Variants in SUCO observed in about 807,000 individuals in gnomAD.
The protein encoded by SUCO is SUN domain-containing ossification factor.
Under a neutral mutation model 148.1 loss-of-function variants are expected in SUCO, and 57 were observed. The observed-to-expected ratio is 0.38, with a 90% CI of 0.31 to 0.48. The LOEUF (loss-of-function observed/expected upper bound fraction) is 0.48, where lower values mean the gene tolerates loss of function less well. Among genes scored for constraint, SUCO ranks in the 20% least tolerant of loss-of-function variants. SUCO has a pLI of 0.96. For missense variants in SUCO, 1,331 were observed against 1,468.2 expected, an observed-to-expected ratio of 0.91 and a Z score of 1.53; for synonymous variants, 470 against 502.7, an observed-to-expected ratio of 0.93 and a Z score of 0.87.
intron 1 of SUCO, among the ~76,000 whole-genome samples, chr1:172,542,381 T>C (rs1652534345): frequency 6.6e-6 from 1 of 151,490 alleles, no homozygotes; most frequent in Non-Finnish European, 1.5e-5. Context: ...AAACTCCGTC[T>C]CAAAAAAAAA....
In SUCO at chr1:172,597,083, G is replaced by A. The variant is rs757615733; in HGVS notation, c.2914-2981G>A. ...AGGCTCCGTGGGCATGGGACCCTCC[G>A]AGCCATGCACGGGATATAATCTCCT... On this transcript the variant is annotated intron_variant, in intron 19 of 23. Coordinates refer to ENST00000263688, the MANE Select transcript of SUCO (RefSeq NM_014283.5). Among the ~76,000 whole-genome samples the A allele has an allele frequency of 1.6e-3, 240 of 152,338 alleles. 2 individuals carry two copies. Among genetic ancestry groups the A allele is most frequent in the Non-Finnish European group, 2.9e-3 (198 of 68,036 alleles).
chr1:172,569,473 A>G, intron 7 of SUCO: 7 of 981,846 alleles, frequency 7.1e-6, no homozygotes, highest in Non-Finnish European at 7.3e-6. Flanking sequence ...CTTGCATAAA[A>G]TCCTTGGGTT....
intron 22 of SUCO, among the ~76,000 whole-genome samples, chr1:172,607,659 GTGATTT>G (rs925605491): frequency 1.3e-5 from 2 of 151,366 alleles, no homozygotes; most frequent in African/African-American, 4.8e-5. Context: ...AATGCTTTTA[GTGATTT>G]TTTTTAAAAA....
At chr1:172,600,615 G>T (rs966054824) in intron 20 of SUCO, among the ~76,000 whole-genome samples, 1 of 152,068 alleles carries the variant, frequency 6.6e-6, no homozygotes, top group South Asian at 2.1e-4. Flanking sequence ...TTTACGTCCT[G>T]GGGGAGGGAT....
At chr1:172,584,148 A>G (rs771902709) in intron 15 of SUCO, among the ~76,000 whole-genome samples, 1 of 152,228 alleles carries the variant, frequency 6.6e-6, no homozygotes, top group Non-Finnish European at 1.5e-5. Context: ...ATTTGATTCT[A>G]TGCAATATCA....
chr1:172,572,732 A>AGG (rs1365592074), intron 9 of SUCO, among the ~76,000 whole-genome samples: 18 of 133,186 alleles, frequency 1.4e-4, no homozygotes, highest in African/African-American at 4.8e-4. Flanking sequence ...AAAAAGAATA[A>AGG]GGGGGCAGTG....
intron 22 of SUCO, chr1:172,608,054 T>C (rs1410876638): frequency 1.0e-6 from 1 of 983,102 alleles, no homozygotes; most frequent in African/African-American, 1.8e-5. Context: ...AGTGTGGGGG[T>C]GGGGTTGGGA....
chr1:172,595,065 G>T (rs1343874917), intron 19 of SUCO, among the ~76,000 whole-genome samples: 1 of 152,100 alleles, frequency 6.6e-6, no homozygotes, highest in Non-Finnish European at 1.5e-5. Context: ...TTTGATCTTT[G>T]TTGGTTTAAA....
chr1:172,597,815 C>T (rs536925925), intron 19 of SUCO, among the ~76,000 whole-genome samples: 18 of 152,202 alleles, frequency 1.2e-4, no homozygotes, highest in East Asian at 3.9e-4. Context: ...CCTTATACTG[C>T]GGAGTTTTGT....
At chr1:172,574,975 G>A in intron 10 of SUCO, 3 of 825,280 alleles carry the variant, frequency 3.6e-6, no homozygotes, top group Non-Finnish European at 2.9e-6. Flanking sequence ...TAAGTAAAGT[G>A]TATTTTTTTA....
intron 1 of SUCO, among the ~76,000 whole-genome samples, chr1:172,539,648 G>A (rs1652291805): frequency 6.6e-6 from 1 of 152,082 alleles, no homozygotes; most frequent in African/African-American, 2.4e-5. Context: ...GTATTATTAT[G>A]TAGCGTTTGT....
At chr1:172,532,363 C>A (rs1184218983), upstream of SUCO, 3 of 833,480 alleles carry the variant, frequency 3.6e-6, no homozygotes, top group Non-Finnish European at 5.5e-6. Context: ...AAGTTCGAAA[C>A]CAACAGAACG....
At chr1:172,585,216 CT>C in intron 16 of SUCO, 130 bp downstream of exon 16, 1 of 827,872 alleles carries the variant, frequency 1.2e-6, no homozygotes, top group Non-Finnish European at 1.7e-6. Context: ...TTCAGAGGAA[CT>C]TACCAATCTT....
chr1:172,542,828 T>C, intron 1 of SUCO: 2 of 985,248 alleles, frequency 2.0e-6, no homozygotes, highest in Non-Finnish European at 2.4e-6. Flanking sequence ...CTGGAAAGGA[T>C]GGATGGAAAG....
intron 19 of SUCO, among the ~76,000 whole-genome samples, chr1:172,592,237 T>C (rs1656727155): frequency 6.6e-6 from 1 of 152,214 alleles, no homozygotes; most frequent in Non-Finnish European, 1.5e-5. Flanking sequence ...GCCTGTTCAC[T>C]CTGATGGTAG....
chr1:172,576,850 C>T, intron 11 of SUCO: 1 of 808,862 alleles, frequency 1.2e-6, no homozygotes, highest in Non-Finnish European at 1.5e-6. Context: ...AAATTACTTT[C>T]TGATTTTCAT....
Position 172,569,032 on chromosome 1 carries a change from C to A in SUCO, c.746C>A (p.Thr249Lys). 1 of 1,579,636 alleles carries A rather than the reference C, an allele frequency of 6.3e-7. No homozygotes were observed. Among genetic ancestry groups the A allele is most frequent in the Non-Finnish European group, 8.5e-7 (1 of 1,170,298 alleles). ...TGTTTCTTTCAGAGCTCTGATTATA[C>A]AAAACCAGGAGACATTGACCCTACA... is the stretch of plus-strand genomic sequence containing the variant. ...DNLKNESSDY[T>K]KPGDIDPTSV... is the part of the protein sequence containing the mutation. The change falls in exon 7 of 24, where the codon ACA becomes AAA. Residue 249 changes from threonine to lysine, a missense_variant. Thr to Lys is a moderately conservative substitution (Grantham distance 78, BLOSUM62 -1). This residue lies in a region of SUCO where 992 missense variants were observed against 1,093.5 expected (regional missense o/e 0.91). Coordinates refer to ENST00000263688, the MANE Select transcript of SUCO (RefSeq NM_014283.5).
At chr1:172,600,032 TA>T in intron 19 of SUCO, 31 bp from the exon 20 acceptor site, 1 of 1,406,382 alleles carries the variant, frequency 7.1e-7, no homozygotes, top group Non-Finnish European at 9.7e-7. Flanking sequence ...TTGTAGTTAA[TA>T]TTCAAAAAAA....
At chr1:172,548,096 CTGTG>C (rs1652997613) in intron 1 of SUCO, among the ~76,000 whole-genome samples, 1 of 151,858 alleles carries the variant, frequency 6.6e-6, no homozygotes, top group Non-Finnish European at 1.5e-5. Context: ...GAATTTTCTC[CTGTG>C]TGTGAGAAGT....
Sources: gnomAD v4.1 joint callset for allele counts (sites outside exome capture counted in the v4.1 genomes callset) on GRCh38, gnomAD v4.1.1 for gene constraint, gnomAD v4.1.1 regional missense constraint, MANE v1.5 for transcripts, NCBI Gene and HGNC (gene_info 2026-07-23, HGNC 2026-07-21) for gene names.